Variants in KMT2C observed in about 807,000 individuals in gnomAD.
KMT2C encodes the protein lysine methyltransferase 2C, also known as histone-lysine N-methyltransferase 2C.
Under a neutral mutation model 507.9 loss-of-function variants are expected in KMT2C, and 88 were observed. The observed-to-expected ratio is 0.17, with a 90% CI of 0.15 to 0.21. The LOEUF is 0.21. Among genes scored for constraint, KMT2C ranks in the 10% least tolerant of loss-of-function variants. The pLI, the probability that KMT2C is intolerant of heterozygous loss-of-function variation, is 1.00. For synonymous variants in KMT2C, 2,049 were observed against 2,080.8 expected (o/e 0.98, Z 0.42); for missense variants, 4,954 against 5,957.8 (o/e 0.83, Z 5.55).
chr7:152,209,041 C>G (rs1265041987), intron 23 of KMT2C, among the ~76,000 whole-genome samples: 1 of 151,972 alleles, frequency 6.6e-6, no homozygotes, highest in Admixed American at 6.6e-5. Context: ...CGCCTAAAAG[C>G]CCAGCTATTC....
At chr7:152,393,586 G>T (rs1169377842) in intron 1 of KMT2C, among the ~76,000 whole-genome samples, 1 of 152,140 alleles carries the variant, frequency 6.6e-6, no homozygotes, top group Non-Finnish European at 1.5e-5. Flanking sequence ...CTAGGACATG[G>T]ATGGATACCA....
chr7:152,252,119 A>AT (rs754901126), intron 10 of KMT2C, 29 bp from the exon 11 acceptor site: 1 of 1,520,112 alleles, frequency 6.6e-7, no homozygotes, highest in South Asian at 1.3e-5. Context: ...TTAAATAAAA[A>AT]TTTCTAACAT....
At chr7:152,276,381 TTAA>T (rs2096079481) in intron 6 of KMT2C, among the ~76,000 whole-genome samples, 1 of 152,188 alleles carries the variant, frequency 6.6e-6, no homozygotes, top group Non-Finnish European at 1.5e-5. Context: ...AGTTAAAATA[TTAA>T]TAATACAATA....
rs189689220 is a variant in KMT2C, at chr7:152,317,566, T to C, written c.390-2228A>G. On this transcript the variant is annotated intron_variant, in intron 3 of 58. Transcript: ENST00000262189. ...GGCCACTGATATCATACCAGCAGGG[T>C]GATAAGAACTCAGTAAAAATTTTTA... is the stretch of plus-strand genomic sequence containing the variant. 2.2e-3 allele frequency among the ~76,000 whole-genome samples: 329 copies of C among 152,146 alleles called. 2 individuals carry two copies. Among genetic ancestry groups the C allele is most frequent in the Middle Eastern group, 0.01 (3 of 292 alleles).
At chr7:152,321,195 T>C (rs1471540755) in intron 3 of KMT2C, among the ~76,000 whole-genome samples, 1 of 151,862 alleles carries the variant, frequency 6.6e-6, no homozygotes, top group African/African-American at 2.4e-5. Context: ...GATCGCACCA[T>C]TGCATAGCCT....
rs78821164 is a variant in KMT2C at position 152,354,289 on chromosome 7, T to A, written c.250+4298A>T. Among the ~76,000 whole-genome samples the A allele has an allele frequency of 6.6e-5, 10 of 152,326 alleles. No homozygotes were observed. In the East Asian group the frequency reaches 1.9e-3, roughly 29 times the overall value. ...AAAAAATGCCAGGAATTTAGTTTTG[T>A]TGTAATGTTGTAATGTTCCAAGAAT... is the stretch of plus-strand genomic sequence containing the variant. On this transcript the variant is annotated intron_variant, in intron 2 of 58. Coordinates refer to ENST00000262189, the MANE Select transcript of KMT2C (RefSeq NM_170606.3).
intron 6 of KMT2C, among the ~76,000 whole-genome samples, chr7:152,306,099 T>C (rs1246660408): frequency 6.6e-6 from 1 of 152,244 alleles, no homozygotes; most frequent in Non-Finnish European, 1.5e-5. Context: ...CACTACAGCA[T>C]GACTGTACAG....
chr7:152,199,117 C>A (rs1185332079), intron 27 of KMT2C, among the ~76,000 whole-genome samples, 162 bp downstream of exon 27: 1 of 152,138 alleles, frequency 6.6e-6, no homozygotes, highest in Non-Finnish European at 1.5e-5. Flanking sequence ...ATACACCTGT[C>A]CACTTAAAAT....
intron 6 of KMT2C, among the ~76,000 whole-genome samples, chr7:152,308,866 C>T (rs974070456): frequency 1.3e-4 from 20 of 152,010 alleles, no homozygotes; most frequent in African/African-American, 4.8e-4. Context: ...AATTTGTAGA[C>T]AGCAAAGCAG....
chr7:152,333,003 A>G (rs548375760), intron 2 of KMT2C, among the ~76,000 whole-genome samples: 1 of 152,276 alleles, frequency 6.6e-6, no homozygotes, highest in African/African-American at 2.4e-5. Context: ...CACCAGGATC[A>G]CTTCCTCCTT....
rs535869050 is a variant in KMT2C, at chr7:152,209,695, A to G, written c.3713-2267T>C. Among the ~76,000 whole-genome samples the G allele has an allele frequency of 6.0e-5, 9 of 151,014 alleles. No individual in the cohort carries two copies. The East Asian group carries it at 1.8e-3, about 29-fold the overall frequency. On this transcript the variant is annotated intron_variant, in intron 23 of 58. Coordinates refer to ENST00000262189, the MANE Select transcript of KMT2C (RefSeq NM_170606.3). ...GTTGAGGCTACAGTGAGTTATGATC[A>G]CACTACTGCATTCTAGCCTGGACAA...
At chr7:152,337,864 T>C (rs2096952066) in intron 2 of KMT2C, among the ~76,000 whole-genome samples, 2 of 151,696 alleles carry the variant, frequency 1.3e-5, no homozygotes, top group African/African-American at 4.9e-5. Flanking sequence ...TGATTTTTTT[T>C]TTTTTTTTTA....
intron 3 of KMT2C, among the ~76,000 whole-genome samples, chr7:152,328,777 G>A (rs1052799896): frequency 2.0e-5 from 3 of 152,250 alleles, no homozygotes; most frequent in Admixed American, 6.5e-5. Flanking sequence ...AGTTGTTTGG[G>A]TTATCGAGTT....
chr7:152,375,829 A>T (rs535036538), intron 1 of KMT2C, among the ~76,000 whole-genome samples: 28 of 152,118 alleles, frequency 1.8e-4, no homozygotes, highest in Middle Eastern at 3.4e-3. Context: ...ATATATATAT[A>T]TTTTTTCCTT....
At chr7:152,232,397 T>A (rs2095146274) in intron 16 of KMT2C, among the ~76,000 whole-genome samples, 1 of 152,192 alleles carries the variant, frequency 6.6e-6, no homozygotes, top group Non-Finnish European at 1.5e-5. Context: ...AAGACGTTGT[T>A]GAGTGAAAAA....
chr7:152,327,395 A>G (rs1440394219), intron 3 of KMT2C, among the ~76,000 whole-genome samples: 1 of 152,200 alleles, frequency 6.6e-6, no homozygotes, highest in East Asian at 1.9e-4. Flanking sequence ...TCTGCAGAAG[A>G]ACCAAGCAAG....
At chr7:152,349,241 T>A (rs779431689) in intron 2 of KMT2C, among the ~76,000 whole-genome samples, 2 of 151,742 alleles carry the variant, frequency 1.3e-5, no homozygotes, top group Non-Finnish European at 2.9e-5. Context: ...AGATCAGGAG[T>A]TCGAGACCAG....
intron 6 of KMT2C, among the ~76,000 whole-genome samples, chr7:152,281,166 C>G (rs2096201711): frequency 6.6e-6 from 1 of 151,578 alleles, no homozygotes; most frequent in South Asian, 2.1e-4. Context: ...GTAAAAACTT[C>G]TATGTGGTGA....
At chr7:152,185,159 G>T (rs149857883) in intron 34 of KMT2C, among the ~76,000 whole-genome samples, 1 of 152,314 alleles carries the variant, frequency 6.6e-6, no homozygotes, top group East Asian at 1.9e-4. Context: ...AATGACAAGG[G>T]AAAGAGTCTG....
Sources: allele counts gnomAD v4.1 joint callset (sites outside exome capture counted in the v4.1 genomes callset), GRCh38; gene constraint gnomAD v4.1.1; transcripts MANE v1.5; gene names NCBI Gene and HGNC (gene_info 2026-07-23, HGNC 2026-07-21).